The following PARD3 variants were observed in gnomAD, a reference collection of about 807,000 sequenced individuals.
The protein encoded by PARD3 is par-3 family cell polarity regulator.
In PARD3, 75 loss-of-function variants were observed where a neutral mutation model predicts 155.4. That is an observed-to-expected ratio of 0.48 (90% CI 0.40 to 0.58). The LOEUF (loss-of-function observed/expected upper bound fraction) is 0.58. PARD3 is among the 20% of genes least tolerant of loss of function. The pLI is 0.00. For synonymous variants in PARD3, 576 were observed against 610.5 expected (o/e 0.94, Z 0.83); for missense variants, 1,642 against 1,721.7 (o/e 0.95, Z 0.82).
intron 23 of PARD3, among the ~76,000 whole-genome samples, chr10:34,128,501 G>T (rs1229858648): frequency 6.6e-6 from 1 of 152,158 alleles, no homozygotes; most frequent in Non-Finnish European, 1.5e-5. Context: ...TACTGGTAAG[G>T]TTTCTGTTCA....
At chr10:34,565,155 G>A (rs1002240667) in intron 2 of PARD3, among the ~76,000 whole-genome samples, 1 of 149,494 alleles carries the variant, frequency 6.7e-6, no homozygotes, top group African/African-American at 2.5e-5. Context: ...TCATCTAGTA[G>A]CCAAGTATAC....
At chr10:34,236,125 C>T (rs543328229) in intron 22 of PARD3, among the ~76,000 whole-genome samples, 13 of 152,178 alleles carry the variant, frequency 8.5e-5, no homozygotes, top group Non-Finnish European at 1.5e-4. Flanking sequence ...GGGTATGTGA[C>T]GGCTATAATA....
At chr10:34,287,229 G>T (rs1198638218) in intron 20 of PARD3, among the ~76,000 whole-genome samples, 1 of 152,100 alleles carries the variant, frequency 6.6e-6, no homozygotes, top group East Asian at 1.9e-4. Flanking sequence ...TTCCAGAAAA[G>T]TATAAGTTCA....
chr10:34,563,775 C>A (rs568271153), intron 2 of PARD3, among the ~76,000 whole-genome samples: 1 of 152,076 alleles, frequency 6.6e-6, no homozygotes, highest in African/African-American at 2.4e-5. Context: ...GTGATCCGCC[C>A]GCCTTGGCCT....
Position 34,339,746 on chromosome 10 carries a change from T to C in PARD3, c.2408+1881A>G, listed in dbSNP as rs371508755. On this transcript the variant is annotated intron_variant, in intron 16 of 24. Coordinates refer to ENST00000374788, the MANE Select transcript of PARD3 (RefSeq NM_001184785.2). ...GTACAATTTAAAATGTCAAATGAGT[T>C]TGTGCATTAGTAAGAGTCTTAAATA... Among the ~76,000 whole-genome samples, 4 of 152,340 alleles carry C rather than the reference T, an allele frequency of 2.6e-5. No homozygotes were observed. In the East Asian group the frequency reaches 7.7e-4, roughly 29 times the overall value.
chr10:34,552,207 T>C (rs948089072), intron 2 of PARD3, among the ~76,000 whole-genome samples: 16 of 152,176 alleles, frequency 1.1e-4, no homozygotes, highest in African/African-American at 3.4e-4. Flanking sequence ...CTTAGGGCTG[T>C]AGCAATCCTC....
chr10:34,331,982 C>T (rs187165570), intron 18 of PARD3, among the ~76,000 whole-genome samples: 8 of 152,008 alleles, frequency 5.3e-5, no homozygotes, highest in East Asian at 3.9e-4. Flanking sequence ...AAGCTTTGAA[C>T]GGAAACAGAT....
chr10:34,320,185 C>T (rs1239587439), intron 19 of PARD3, among the ~76,000 whole-genome samples: 2 of 152,130 alleles, frequency 1.3e-5, no homozygotes, highest in East Asian at 3.9e-4. Context: ...TTTATCTAAT[C>T]GCCAGGTATC....
intron 5 of PARD3, among the ~76,000 whole-genome samples, chr10:34,448,654 TA>T (rs1564726190): frequency 6.6e-6 from 1 of 151,792 alleles, no homozygotes; most frequent in Non-Finnish European, 1.5e-5. Context: ...CATTTTTTTT[TA>T]ATTAGCTGGG....
chr10:34,793,387 G>A (rs1841893857), intron 1 of PARD3, among the ~76,000 whole-genome samples: 1 of 152,132 alleles, frequency 6.6e-6, no homozygotes, highest in African/African-American at 2.4e-5. Flanking sequence ...AGGGCAGGCT[G>A]GGGTCAGTTT....
intron 2 of PARD3, among the ~76,000 whole-genome samples, chr10:34,581,267 C>CTTTT: frequency 9.5e-6 from 1 of 105,540 alleles, no homozygotes; most frequent in Non-Finnish European, 1.8e-5. Flanking sequence ...CGGAGTTTCA[C>CTTTT]TCTGTCACCC....
intron 2 of PARD3, among the ~76,000 whole-genome samples, chr10:34,525,765 T>G (rs2133743115): frequency 6.6e-6 from 1 of 152,110 alleles, no homozygotes; most frequent in South Asian, 2.1e-4. Flanking sequence ...CGTGAGCCTC[T>G]GTGCCCGGCC....
At chr10:34,219,443 C>T (rs938556805) in intron 22 of PARD3, among the ~76,000 whole-genome samples, 5 of 152,258 alleles carry the variant, frequency 3.3e-5, no homozygotes, top group Middle Eastern at 3.4e-3. Context: ...TCCACTTTAG[C>T]GGGGGTATGC....
chr10:34,244,534 GA>G (rs1376364846), intron 22 of PARD3, among the ~76,000 whole-genome samples: 1 of 151,936 alleles, frequency 6.6e-6, no homozygotes, highest in African/African-American at 2.4e-5. Flanking sequence ...AATTCACCAA[GA>G]AAAAAATGCA....
intron 22 of PARD3, among the ~76,000 whole-genome samples, chr10:34,247,663 T>G (rs1215343088): frequency 6.6e-6 from 1 of 151,946 alleles, no homozygotes; most frequent in Non-Finnish European, 1.5e-5. Context: ...TACAAATATT[T>G]TGATGGTAAC....
chr10:34,262,209 A>G (rs142325274), intron 22 of PARD3, among the ~76,000 whole-genome samples: 1 of 152,108 alleles, frequency 6.6e-6, no homozygotes, highest in Non-Finnish European at 1.5e-5. Context: ...CTTTCTACAT[A>G]TGCTTAAATT....
chr10:34,521,836 A>G (rs1301515223), intron 2 of PARD3, among the ~76,000 whole-genome samples: 1 of 152,200 alleles, frequency 6.6e-6, no homozygotes, highest in Non-Finnish European at 1.5e-5. Flanking sequence ...AAAGCCCACA[A>G]CTGCATGTAG....
intron 1 of PARD3, among the ~76,000 whole-genome samples, chr10:34,751,862 C>T (rs576710184): frequency 3.9e-4 from 59 of 151,712 alleles, no homozygotes; most frequent in African/African-American, 1.4e-3. Context: ...CCAGCCTTGG[C>T]CTCCCAAAGT....
At chr10:34,284,894 A>C (rs550694509) in intron 20 of PARD3, among the ~76,000 whole-genome samples, 56 of 152,304 alleles carry the variant, frequency 3.7e-4, no homozygotes, top group South Asian at 2.3e-3. Flanking sequence ...TCTGATCAAA[A>C]ACAAACACAC....
Sources: gnomAD v4.1 joint callset for allele counts (sites outside exome capture counted in the v4.1 genomes callset) on GRCh38, gnomAD v4.1.1 for gene constraint, MANE v1.5 for transcripts, NCBI Gene and HGNC (gene_info 2026-07-23, HGNC 2026-07-21) for gene names.